The following FOXP1 variants were observed in gnomAD, a reference collection of about 807,000 sequenced individuals.
FOXP1 encodes forkhead box protein P1.
In FOXP1, 15 loss-of-function variants were observed where a neutral mutation model predicts 98.2. The ratio of observed to expected loss-of-function variants is 0.15; its 90% CI spans 0.10 to 0.24. The LOEUF is 0.24. Among genes scored for constraint, FOXP1 ranks in the 10% least tolerant of loss-of-function variants. The pLI is 1.00. For synonymous variants in FOXP1, 371 were observed against 314.5 expected (o/e 1.18, Z -1.90); for missense variants, 633 against 848.5 (o/e 0.75, Z 3.15).
At position 71,088,361 on chromosome 3, in the gene FOXP1, T is replaced by A. The variant is rs571533664; in HGVS notation, c.282+24175A>T. Among the ~76,000 whole-genome samples the A allele has an allele frequency of 9.2e-5, 14 of 152,052 alleles. No homozygotes were observed. The South Asian group carries it at 2.9e-3, about 32-fold the overall frequency. ...CTACTTTGTTTTCTTACAGATTTCA[T>A]CGTCACACAACATGTGGTGATACAT... On this transcript the variant is annotated intron_variant, in intron 7 of 20. Transcript: ENST00000649528.
At chr3:71,515,845 C>T (rs1038037974) in intron 2 of FOXP1, among the ~76,000 whole-genome samples, 1 of 152,056 alleles carries the variant, frequency 6.6e-6, no homozygotes. Context: ...CAAAAGGAAA[C>T]AAAAAACGTC....
intron 2 of FOXP1, among the ~76,000 whole-genome samples, chr3:71,520,570 A>T (rs964899057): frequency 6.6e-6 from 1 of 152,240 alleles, no homozygotes; most frequent in South Asian, 2.1e-4. Context: ...GAACAGCAAC[A>T]AAACACTATT....
intron 20 of FOXP1, among the ~76,000 whole-genome samples, 162 bp from the exon 21 acceptor site, chr3:70,959,553 G>A (rs74500754): frequency 3.8e-3 from 571 of 152,242 alleles, no homozygotes; most frequent in Non-Finnish European, 6.5e-3. Context: ...TGAAATGAAC[G>A]AAATCTTACT....
intron 4 of FOXP1, among the ~76,000 whole-genome samples, chr3:71,335,924 G>A (rs559735090): frequency 3.3e-5 from 5 of 150,248 alleles, no homozygotes; most frequent in South Asian, 2.1e-4. Context: ...AGACTCAGGC[G>A]GGGGTGGAGG....
chr3:71,366,591 G>C (rs1209252473), intron 3 of FOXP1, among the ~76,000 whole-genome samples: 1 of 152,062 alleles, frequency 6.6e-6, no homozygotes, highest in Admixed American at 6.6e-5. Context: ...CCAAAACCAA[G>C]TAATATCCAA....
At chr3:71,159,435 G>C (rs1280920846) in intron 6 of FOXP1, among the ~76,000 whole-genome samples, 6 of 152,184 alleles carry the variant, frequency 3.9e-5, no homozygotes. Flanking sequence ...TATAACAAGA[G>C]AGGACAGAGG....
At chr3:71,472,045 G>C (rs2089408047) in intron 3 of FOXP1, among the ~76,000 whole-genome samples, 1 of 152,174 alleles carries the variant, frequency 6.6e-6, no homozygotes, top group South Asian at 2.1e-4. Flanking sequence ...TGAAGTCAGT[G>C]AGTCACTAAA....
At chr3:71,270,238 T>C (rs1333574886) in intron 5 of FOXP1, among the ~76,000 whole-genome samples, 1 of 152,200 alleles carries the variant, frequency 6.6e-6, no homozygotes, top group African/African-American at 2.4e-5. Context: ...CAAAGCGTTA[T>C]AAATTCATGG....
At chr3:71,381,171 G>A (rs1409074483) in intron 3 of FOXP1, among the ~76,000 whole-genome samples, 1 of 134,872 alleles carries the variant, frequency 7.4e-6, no homozygotes, top group African/African-American at 2.7e-5. Context: ...TTTTTTTTGA[G>A]ATGGAGTCTT....
At chr3:71,550,172 C>T (rs1466462317) in intron 2 of FOXP1, among the ~76,000 whole-genome samples, 3 of 152,230 alleles carry the variant, frequency 2.0e-5, no homozygotes, top group African/African-American at 4.8e-5. Flanking sequence ...TGGTACAAAG[C>T]GGGGAGAGGA....
intron 18 of FOXP1, chr3:70,972,090 A>G: frequency 6.5e-7 from 1 of 1,529,220 alleles, no homozygotes; most frequent in Non-Finnish European, 8.7e-7. Flanking sequence ...CCACGTTTAA[A>G]CTCTTCATCA....
intron 12 of FOXP1, among the ~76,000 whole-genome samples, chr3:71,013,995 T>G (rs922746064): frequency 1.3e-5 from 2 of 152,070 alleles, no homozygotes; most frequent in Non-Finnish European, 2.9e-5. Context: ...ATACAAAAAT[T>G]AATTCAAGAT....
chr3:71,090,203 AT>A (rs1426270065), intron 7 of FOXP1, among the ~76,000 whole-genome samples: 1 of 152,160 alleles, frequency 6.6e-6, no homozygotes, highest in Non-Finnish European at 1.5e-5. Context: ...CATAAAACAA[AT>A]CTCTCGATTC....
intron 11 of FOXP1, among the ~76,000 whole-genome samples, chr3:71,016,115 T>C (rs989047705): frequency 6.6e-6 from 1 of 152,192 alleles, no homozygotes; most frequent in African/African-American, 2.4e-5. Flanking sequence ...AAGTTAATTT[T>C]ATCCAGCAAA....
chr3:71,328,160 G>A (rs941741807), intron 4 of FOXP1, among the ~76,000 whole-genome samples: 2 of 152,140 alleles, frequency 1.3e-5, no homozygotes, highest in Admixed American at 1.3e-4. Context: ...AACAGGCTGG[G>A]CACTCATGCC....
chr3:71,555,913 A>AGAGGAGGAAGAGAAAGAAGAG (rs1353332222), intron 2 of FOXP1, among the ~76,000 whole-genome samples: 1 of 152,170 alleles, frequency 6.6e-6, no homozygotes, highest in Admixed American at 6.5e-5. Flanking sequence ...AAAAGAAAAA[A>AGAGGAGGAAGAGAAAGAAGAG]GAGGAGGAAG....
chr3:71,444,101 A>G (rs967005725), intron 3 of FOXP1, among the ~76,000 whole-genome samples: 2 of 152,202 alleles, frequency 1.3e-5, no homozygotes, highest in African/African-American at 2.4e-5. Flanking sequence ...CGCCTAGTAC[A>G]TCAACGTCAA....
At chr3:71,167,350 A>T (rs1005458281) in intron 6 of FOXP1, among the ~76,000 whole-genome samples, 10 of 152,226 alleles carry the variant, frequency 6.6e-5, no homozygotes, top group African/African-American at 2.4e-4. Context: ...TCTATAACTA[A>T]AATCCTCAAG....
chr3:71,280,868 G>C (rs1048312635), intron 5 of FOXP1, among the ~76,000 whole-genome samples: 1 of 151,824 alleles, frequency 6.6e-6, no homozygotes, highest in South Asian at 2.1e-4. Flanking sequence ...GTTATGATAA[G>C]AGTTATCCTG....
Sources: allele counts gnomAD v4.1 joint callset (sites outside exome capture counted in the v4.1 genomes callset), GRCh38; gene constraint gnomAD v4.1.1; transcripts MANE v1.5; gene names NCBI Gene and HGNC (gene_info 2026-07-23, HGNC 2026-07-21).